The following MTUS1 variants were observed in gnomAD, a reference collection of about 807,000 sequenced individuals.
MTUS1 encodes the protein microtubule-associated tumor suppressor 1.
Under a neutral mutation model 120.8 loss-of-function variants are expected in MTUS1, and 109 were observed. The ratio of observed to expected loss-of-function variants is 0.90; its 90% CI spans 0.77 to 1.06. The LOEUF (loss-of-function observed/expected upper bound fraction) is 1.06, where lower values mean the gene tolerates loss of function less well. MTUS1 is among the 50% of genes least tolerant of loss of function. MTUS1 has a pLI of 0.00. For missense variants in MTUS1, 2,210 were observed against 1,486.3 expected (o/e 1.49, Z -8.01); for synonymous variants, 737 against 550.5 (o/e 1.34, Z -4.74).
At chr8:17,666,717 A>G (rs1331983701) in intron 8 of MTUS1, among the ~76,000 whole-genome samples, 2 of 152,220 alleles carry the variant, frequency 1.3e-5, no homozygotes, top group East Asian at 3.8e-4. Context: ...TGAGGACACT[A>G]GGGCCAGAGG....
At chr8:17,686,344 T>C (rs1815797707) in intron 6 of MTUS1, among the ~76,000 whole-genome samples, 1 of 152,242 alleles carries the variant, frequency 6.6e-6, no homozygotes, top group Non-Finnish European at 1.5e-5. Flanking sequence ...TAATAATATC[T>C]TGCTATAATA....
chr8:17,757,212 C>T (rs1018583585), intron 1 of MTUS1, among the ~76,000 whole-genome samples: 1 of 152,004 alleles, frequency 6.6e-6, no homozygotes, highest in African/African-American at 2.4e-5. Flanking sequence ...TATTCCTCAG[C>T]AATAGAAAGG....
intron 6 of MTUS1, among the ~76,000 whole-genome samples, chr8:17,691,578 G>C (rs79067936): frequency 0.016 from 2,431 of 152,308 alleles, 72 homozygotes; most frequent in African/African-American, 0.055. Context: ...TGGATTCACA[G>C]TAAGATAACT....
intron 1 of MTUS1, among the ~76,000 whole-genome samples, chr8:17,787,559 A>G (rs937706127): frequency 1.3e-5 from 2 of 152,188 alleles, no homozygotes; most frequent in African/African-American, 2.4e-5. Flanking sequence ...TATGAGAAGC[A>G]TACGTTTATC....
chr8:17,751,756 G>A (rs902241854), intron 2 of MTUS1, among the ~76,000 whole-genome samples: 3 of 151,076 alleles, frequency 2.0e-5, no homozygotes, highest in Non-Finnish European at 4.4e-5. Flanking sequence ...TACCTGGGAG[G>A]CTGAGGCAGG....
At chr8:17,673,753 C>A (rs925424299) in intron 8 of MTUS1, among the ~76,000 whole-genome samples, 2 of 152,158 alleles carry the variant, frequency 1.3e-5, no homozygotes, top group Non-Finnish European at 2.9e-5. Context: ...CCACACCCAG[C>A]CCAGACAAAG....
At chr8:17,795,545 C>T (rs1242268862) in intron 1 of MTUS1, among the ~76,000 whole-genome samples, 1 of 151,320 alleles carries the variant, frequency 6.6e-6, no homozygotes, top group Non-Finnish European at 1.5e-5. Flanking sequence ...GATGAGTTCA[C>T]ACTGTGTCCT....
At chr8:17,794,585 A>G (rs190500139) in intron 1 of MTUS1, among the ~76,000 whole-genome samples, 3 of 152,160 alleles carry the variant, frequency 2.0e-5, no homozygotes, top group Non-Finnish European at 4.4e-5. Flanking sequence ...CCCTATCCTG[A>G]CCCACCAGCA....
At chr8:17,775,951 G>A (rs1202074327) in intron 1 of MTUS1, among the ~76,000 whole-genome samples, 3 of 152,190 alleles carry the variant, frequency 2.0e-5, no homozygotes, top group Non-Finnish European at 2.9e-5. Context: ...CAGCATCAGC[G>A]CCGGTCCCAT....
At chr8:17,697,002 A>G (rs537624533) in intron 6 of MTUS1, among the ~76,000 whole-genome samples, 2 of 152,350 alleles carry the variant, frequency 1.3e-5, no homozygotes, top group East Asian at 3.9e-4. Flanking sequence ...TGATGGAGAA[A>G]AGAGCTAGGG....
chr8:17,795,591 T>C (rs1045664131), intron 1 of MTUS1, among the ~76,000 whole-genome samples: 1 of 151,228 alleles, frequency 6.6e-6, no homozygotes, highest in Non-Finnish European at 1.5e-5. Flanking sequence ...GAGGGTAAAA[T>C]GTGTGTTTTT....
intron 2 of MTUS1, among the ~76,000 whole-genome samples, chr8:17,750,261 G>A (rs1391641438): frequency 6.6e-6 from 1 of 152,112 alleles, no homozygotes; most frequent in Non-Finnish European, 1.5e-5. Context: ...ATACAGAATT[G>A]GCCAAGAAAA....
chr8:17,692,166 T>C (rs182661116), intron 6 of MTUS1: 1 of 152,322 alleles, frequency 6.6e-6, no homozygotes, highest in East Asian at 1.9e-4. Flanking sequence ...CTGTGGCAGA[T>C]ATTCCAATAG....
chr8:17,799,665 T>C (rs2052523427), intron 1 of MTUS1, among the ~76,000 whole-genome samples: 3 of 152,134 alleles, frequency 2.0e-5, no homozygotes, highest in African/African-American at 4.8e-5. Context: ...AATCCTATTA[T>C]ACTCCAAAAT....
intron 13 of MTUS1, 134 bp downstream of exon 13, chr8:17,649,712 A>T: frequency 1.6e-6 from 1 of 643,832 alleles, no homozygotes; most frequent in Non-Finnish European, 2.8e-6. Flanking sequence ...AGAAAATGTG[A>T]ACTTTATCTT....
rs775375651 is a variant in MTUS1, at chr8:17,755,104, G to A, written c.704C>T (p.Pro235Leu). 2 of 1,613,890 alleles carry A rather than the reference G, an allele frequency of 1.2e-6. No homozygotes were observed. Among genetic ancestry groups the A allele is most frequent in the Non-Finnish European group, 1.7e-6 (2 of 1,180,038 alleles). Reference protein sequence around the residue: ...RESFENPQVTPSEAQDMTYTA... With the variant: ...RESFENPQVTLSEAQDMTYTA... ...GTAAGTCATGTCTTGGGCTTCTGAT[G>A]GTGTGACTTGAGGGTTTTCAAAGCT... Residue 235 changes from proline (P) to leucine (L), a missense_variant, in exon 2 of 15, where the codon CCA (proline) becomes CTA (leucine). Pro to Leu is a moderately conservative substitution (Grantham distance 98, BLOSUM62 -3). Coordinates refer to ENST00000693296, the MANE Select transcript of MTUS1 (RefSeq NM_001363059.2).
chr8:17,695,109 G>A (rs1039163932), intron 6 of MTUS1, among the ~76,000 whole-genome samples: 1 of 152,090 alleles, frequency 6.6e-6, no homozygotes, highest in Non-Finnish European at 1.5e-5. Flanking sequence ...TCACCATGAC[G>A]GCATGAATTA....
At chr8:17,729,465 G>GA (rs147269764) in intron 3 of MTUS1, among the ~76,000 whole-genome samples, 8,060 of 151,932 alleles carry the variant, frequency 0.053, 292 homozygotes, top group East Asian at 0.15. Context: ...TATGTGCCAG[G>GA]AAAAAACAGA....
intron 1 of MTUS1, among the ~76,000 whole-genome samples, chr8:17,780,597 C>T (rs1477264109): frequency 6.6e-6 from 1 of 152,220 alleles, no homozygotes; most frequent in Non-Finnish European, 1.5e-5. Flanking sequence ...GCAACTCCGA[C>T]AGGCACTGCC....
Sources: allele counts gnomAD v4.1 joint callset (sites outside exome capture counted in the v4.1 genomes callset), GRCh38; gene constraint gnomAD v4.1.1; transcripts MANE v1.5; gene names NCBI Gene and HGNC (gene_info 2026-07-23, HGNC 2026-07-21).